Variants in ERCC2 observed in about 807,000 individuals in gnomAD.
ERCC2 encodes ERCC excision repair 2, TFIIH core complex helicase subunit.
A neutral mutation model predicts 99.4 loss-of-function variants in ERCC2; 90 were observed. The observed-to-expected ratio is 0.91, with a 90% CI of 0.76 to 1.08. The LOEUF is 1.08. Ranked by LOEUF, ERCC2 falls within the 50% of genes least tolerant of loss-of-function variation. The pLI is 0.00. For synonymous variants in ERCC2, 497 were observed against 432.4 expected, an observed-to-expected ratio of 1.15 and a Z score of -1.85; for missense variants, 993 against 1,038.1, an observed-to-expected ratio of 0.96 and a Z score of 0.60.
At chr19:45,369,801 G>A (rs1270773439) in intron 2 of ERCC2, among the ~76,000 whole-genome samples, 1 of 151,926 alleles carries the variant, frequency 6.6e-6, no homozygotes, top group Non-Finnish European at 1.5e-5. Flanking sequence ...TCAGCCTCCC[G>A]AGTAGGTGGG....
intron 1 of ERCC2, 57 bp from the exon 2 acceptor site, chr19:45,370,289 A>G: frequency 1.3e-6 from 2 of 1,595,118 alleles, no homozygotes; most frequent in Admixed American, 3.4e-5. Flanking sequence ...TCCCGCCTCC[A>G]CAGTGCCCGG....
Position 45,350,730 on chromosome 19 carries a change from G to A in ERCC2, c.*899C>T, listed in dbSNP as rs370566239. 8.4e-5 allele frequency: 135 copies of A among 1,612,296 alleles called. 1 individual carries two copies. The highest frequency in any genetic ancestry group is 1.7e-4 in the Middle Eastern group (1 of 6,032). Reference sequence around the variant, plus strand: ...TGGTCTCCCGGCTCCGAGGCGAGGCGGCGGCAGGAGCAGCCGGGTGAGTGT... The same window carrying A: ...TGGTCTCCCGGCTCCGAGGCGAGGCAGCGGCAGGAGCAGCCGGGTGAGTGT... On this transcript the variant is annotated 3_prime_UTR_variant, in exon 23 of 23. Transcript: ENST00000391945.
Position 45,350,383 on chromosome 19 carries a change from G to T in ERCC2, c.*1246C>A, listed in dbSNP as rs1436818341. On this transcript the variant is annotated 3_prime_UTR_variant, in exon 23 of 23. Coordinates refer to ENST00000391945, the MANE Select transcript of ERCC2 (RefSeq NM_000400.4). Reference sequence around the variant, plus strand: ...ACAGAACAAGTATCAACAAGCGGAAGAGCTGTACAAAGAAATCCTCCACAA... The same window carrying T: ...ACAGAACAAGTATCAACAAGCGGAATAGCTGTACAAAGAAATCCTCCACAA... 6.2e-7 allele frequency: 1 copy of T among 1,613,758 alleles called. No individual in the cohort carries two copies. The highest frequency in any genetic ancestry group is 1.1e-5 in the South Asian group (1 of 91,042).
intron 1 of ERCC2, 97 bp from the exon 2 acceptor site, chr19:45,370,329 C>A (rs1972565160): frequency 1.3e-6 from 2 of 1,548,260 alleles, no homozygotes; most frequent in Admixed American, 1.9e-5. Flanking sequence ...GTGACGGGCC[C>A]GGCGCCCCCG....
In ERCC2 at chr19:45,351,404, AGGGATGGGCTGGT is replaced by A; in HGVS notation, c.*212_*224del. 2 of 1,601,320 alleles carry A rather than the reference AGGGATGGGCTGGT, an allele frequency of 1.2e-6. No homozygotes were observed. Among genetic ancestry groups the A allele is most frequent in the South Asian group, 2.2e-5 (2 of 90,944 alleles). ...CGCAGCTTCTTGGGAACAGTGCAGG[AGGGATGGGCTGGT>A]GGGGTGAGAGGGGGTCTATCATCTC... On this transcript the variant is annotated 3_prime_UTR_variant, in exon 23 of 23. Transcript: ENST00000391945.
intron 7 of ERCC2, 80 bp from the exon 8 acceptor site, chr19:45,364,627 C>T: frequency 6.3e-7 from 1 of 1,585,588 alleles, no homozygotes; most frequent in South Asian, 1.1e-5. Context: ...TGGCCCGTCA[C>T]TCCCACACAG....
At position 45,353,335 on chromosome 19, in the gene ERCC2, C is replaced by T. The variant is rs2123229638; in HGVS notation, c.1666-1G>A. The T allele has an allele frequency of 6.2e-7, 1 of 1,612,992 alleles. No individual in the cohort carries two copies. Reference sequence around the variant, plus strand: ...TCCTCTGGATGTTCTCAAGGATCCCCTGGGGAAGGACCCAGGGAGGTCAGG... The same window carrying T: ...TCCTCTGGATGTTCTCAAGGATCCCTTGGGGAAGGACCCAGGGAGGTCAGG... On this transcript the variant is annotated splice_acceptor_variant, in intron 17 of 22. Transcript: ENST00000391945. LOFTEE classifies it high-confidence loss of function.
In ERCC2 at chr19:45,350,908, G is replaced by C. The variant is rs910097187; in HGVS notation, c.*721C>G. ...CTGGAAAGGTCCCTCGTGGAGGGGG[G>C]CCACTCCTGGATTCACTCATTTCCT... On this transcript the variant is annotated 3_prime_UTR_variant, in exon 23 of 23. Coordinates refer to ENST00000391945, the MANE Select transcript of ERCC2 (RefSeq NM_000400.4). 1 of 1,594,438 alleles carries C rather than the reference G, an allele frequency of 6.3e-7. No individual in the cohort carries two copies. Among genetic ancestry groups the C allele is most frequent in the Admixed American group, 1.7e-5 (1 of 59,910 alleles).
intron 11 of ERCC2, among the ~76,000 whole-genome samples, chr19:45,362,756 A>G (rs946027973): frequency 6.6e-6 from 1 of 152,184 alleles, no homozygotes; most frequent in Non-Finnish European, 1.5e-5. Context: ...CAAGTCTCCA[A>G]TCCTGGGGAA....
intron 22 of ERCC2, 108 bp from the exon 23 acceptor site, chr19:45,351,829 T>G (rs1971799033): frequency 4.2e-6 from 4 of 956,330 alleles, no homozygotes; most frequent in Non-Finnish European, 6.5e-6. Context: ...GACAGGATGT[T>G]TGAATGAATT....
At position 45,361,805 on chromosome 19, in the gene ERCC2, G is replaced by A. The variant is rs150588082; in HGVS notation, c.1119-163C>T. The A allele has an allele frequency of 7.4e-6, 5 of 673,702 alleles. No individual in the cohort carries two copies. In the East Asian group the frequency reaches 1.4e-4, roughly 19 times the overall value. 41.7% of individuals were successfully genotyped at this position (673,702 alleles called of 1,614,324 possible). On this transcript the variant is annotated intron_variant, in intron 11 of 22. Coordinates refer to ENST00000391945, the MANE Select transcript of ERCC2 (RefSeq NM_000400.4). ...TTTTGGAAACTTGCACCCCCACGCT[G>A]TACACCTGCATGTCACAAATAGCCA...
rs200878544 is a variant in ERCC2 at position 45,352,187 on chromosome 19, G to A, written c.2190+22C>T. The A allele has an allele frequency of 1.3e-4, 202 of 1,612,540 alleles. 1 individual carries two copies. In the East Asian group the frequency reaches 1.9e-3, roughly 15 times the overall value. On this transcript the variant is annotated intron_variant, in intron 22 of 22. Coordinates refer to ENST00000391945, the MANE Select transcript of ERCC2 (RefSeq NM_000400.4). ...GAGAAGCTCAGCCTGGGAGGGTGCC[G>A]GGAGGGGGACGCAGGCCTCACCCGG...
At chr19:45,355,820 T>G (rs1971993845) in intron 15 of ERCC2, 92 bp from the exon 16 acceptor site, 1 of 988,822 alleles carries the variant, frequency 1.0e-6, no homozygotes, top group Non-Finnish European at 1.6e-6. Context: ...TAAGCTTTTT[T>G]TTTTTTTTTT....
chr19:45,353,222 C>G lies in ERCC2; in HGVS notation c.1758+20G>C, dbSNP rs201969516. 2 of 1,612,862 alleles carry G rather than the reference C, an allele frequency of 1.2e-6. No individual in the cohort carries two copies. Among genetic ancestry groups the G allele is most frequent in the Admixed American group, 3.3e-5 (2 of 59,996 alleles). On this transcript the variant is annotated intron_variant, in intron 18 of 22. Coordinates refer to ENST00000391945, the MANE Select transcript of ERCC2 (RefSeq NM_000400.4). ...GAGCCACCTCCCCGACCCCTCTCCA[C>G]GCTGGCCTCGCACACCCACCTCCTG...
chr19:45,361,925 C>CTT lies in ERCC2; in HGVS notation c.1119-285_1119-284dup, dbSNP rs945154769. 1.7e-5 allele frequency: 7 copies of CTT among 416,712 alleles called. No homozygotes were observed. In the Admixed American group the frequency reaches 2.6e-4, roughly 15 times the overall value. The allele number at this position is 416,712 out of a possible 1,614,324, so 25.8% of individuals were successfully genotyped here. ...GCTAGCACGACCTCCTAAGTGGGTTCTTTTTTTCTTTTTCTTTTTTTTCTT... is the reference window on the plus strand; with the variant it reads ...GCTAGCACGACCTCCTAAGTGGGTTCTTTTTTTTTCTTTTTCTTTTTTTTCTT... On this transcript the variant is annotated intron_variant, in intron 11 of 22. Transcript: ENST00000391945.
At chr19:45,370,356 C>G (rs1972565911) in intron 1 of ERCC2, 124 bp from the exon 2 acceptor site, 22 of 1,524,848 alleles carry the variant, frequency 1.4e-5, no homozygotes, top group Non-Finnish European at 7.1e-6. Flanking sequence ...CTCAGGTCCT[C>G]AGGAGCCTCG....
chr19:45,358,603 C>G (rs939655035), intron 12 of ERCC2: 2 of 498,704 alleles, frequency 4.0e-6, no homozygotes, highest in East Asian at 3.5e-5. Context: ...CAGGCTCAGT[C>G]CCCCCAGGGC....
chr19:45,364,905 T>C lies in ERCC2; in HGVS notation c.527A>G (p.Asn176Ser), dbSNP rs146137795. The change falls in exon 7 of 23, where the codon AAC (asparagine) becomes AGC (serine). Residue 176 changes from asparagine to serine, a missense_variant. By Grantham distance (46) the Asn-to-Ser change is conservative. Around this residue, in one of 3 missense-constraint regions of ERCC2, gnomAD observed 909 missense variants for 930.8 expected, o/e 0.98. Transcript: ENST00000391945. Reference sequence around the variant, plus strand: ...CCCCAGGGCCTTCAGGTCATCCAGGTTGTAGATGCCAGCGGGGAGGGGCAC... The same window carrying C: ...CCCCAGGGCCTTCAGGTCATCCAGGCTGTAGATGCCAGCGGGGAGGGGCAC... The part of the protein sequence containing the change: ...REVPLPAGIY[N>S]LDDLKALGRR... 2 of 1,614,120 alleles carry C rather than the reference T, an allele frequency of 1.2e-6. No individual in the cohort carries two copies. Among genetic ancestry groups the C allele is most frequent in the Non-Finnish European group, 8.5e-7 (1 of 1,180,018 alleles).
intron 12 of ERCC2, chr19:45,357,943 G>A (rs1386554695): frequency 5.1e-6 from 3 of 583,848 alleles, no homozygotes; most frequent in Non-Finnish European, 9.3e-6. Context: ...CAAGTAGAGA[G>A]CCCACAGCCC....
Sources: allele counts gnomAD v4.1 joint callset (sites outside exome capture counted in the v4.1 genomes callset), GRCh38; gene constraint gnomAD v4.1.1; regional missense constraint gnomAD v4.1.1; transcripts MANE v1.5; gene names NCBI Gene and HGNC (gene_info 2026-07-23, HGNC 2026-07-21).